The following SH3YL1 variants were observed in gnomAD, a reference collection of about 807,000 sequenced individuals.
SH3YL1 encodes SH3 domain-containing YSC84-like protein 1.
A neutral mutation model predicts 45.8 loss-of-function variants in SH3YL1; 41 were observed. That is an observed-to-expected ratio of 0.89 (90% CI 0.70 to 1.16). The LOEUF (loss-of-function observed/expected upper bound fraction) is 1.16. Ranked by LOEUF, SH3YL1 falls within the 50% of genes most tolerant of loss-of-function variation. The pLI is 0.00. For missense variants in SH3YL1, 389 were observed against 409.6 expected, an observed-to-expected ratio of 0.95 and a Z score of 0.43; for synonymous variants, 152 against 151.4, an observed-to-expected ratio of 1.00 and a Z score of -0.03.
chr2:263,487 G>C (rs1669689400), intron 1 of SH3YL1: 1 of 157,584 alleles, frequency 6.3e-6, no homozygotes, highest in Non-Finnish European at 1.4e-5. Flanking sequence ...GCCAGGTGTT[G>C]GGGGGACCGG....
Position 247,615 on chromosome 2 carries a change from C to G in SH3YL1, c.227-13G>C, listed in dbSNP as rs1388613644. ...GGTGCAGACCATTCTAATAAAAAAACAAACGAACGTTATCCTAACATTAAA... is the reference window on the plus strand; with the variant it reads ...GGTGCAGACCATTCTAATAAAAAAAGAAACGAACGTTATCCTAACATTAAA... On this transcript the variant is annotated splice_polypyrimidine_tract_variant and intron_variant, in intron 3 of 9. Transcript: ENST00000356150. The G allele has an allele frequency of 4.5e-6, 7 of 1,547,388 alleles. No individual in the cohort carries two copies. The East Asian group carries it at 1.7e-4, about 38-fold the overall frequency.
At chr2:263,876 CT>C in intron 1 of SH3YL1, 107 bp downstream of exon 1, 17 of 951,384 alleles carry the variant, frequency 1.8e-5, no homozygotes, top group Non-Finnish European at 2.8e-5. Context: ...GACGCGCGAC[CT>C]AGAAACCCCA....
chr2:264,179 G>T, upstream of SH3YL1: 3 of 717,192 alleles, frequency 4.2e-6, no homozygotes, highest in African/African-American at 1.9e-5. Flanking sequence ...TCAGGCCTTC[G>T]CCCTCAGGGA....
At chr2:253,506 A>C (rs990291921) in intron 1 of SH3YL1, among the ~76,000 whole-genome samples, 2 of 152,236 alleles carry the variant, frequency 1.3e-5, no homozygotes, top group African/African-American at 4.8e-5. Context: ...GCGCCATGAC[A>C]GTTTACAAAT....
rs397709071 is a variant in SH3YL1 at position 229,728 on chromosome 2, C to CAA, written c.781+236_781+237dup. Among the ~76,000 whole-genome samples, 345 of 92,798 alleles carry CAA rather than the reference C, an allele frequency of 3.7e-3. 6 individuals carry two copies. The highest frequency in any genetic ancestry group is 0.018 in the East Asian group (61 of 3,414). The allele number at this position is 92,798 out of a possible 152,430, so 60.9% of individuals were successfully genotyped here. ...TGGGCGACAGAGCGAGACTCCGTCT[C>CAA]AAAAAAAAAAAAAAAAAAAAAGAAA... is the stretch of plus-strand genomic sequence containing the variant. On this transcript the variant is annotated intron_variant, in intron 8 of 9. Coordinates refer to ENST00000356150, the MANE Select transcript of SH3YL1 (RefSeq NM_015677.4).
In SH3YL1 at chr2:219,010, A is replaced by C; in HGVS notation, c.839-9T>G. 1.3e-6 allele frequency: 2 copies of C among 1,599,928 alleles called. No homozygotes were observed. The highest frequency in any genetic ancestry group is 1.7e-6 in the Non-Finnish European group (2 of 1,173,488). On this transcript the variant is annotated splice_polypyrimidine_tract_variant and intron_variant, in intron 9 of 9. Transcript: ENST00000356150. The stretch of plus-strand genomic sequence containing the variant: ...GGGTTGATTCAAATTGCCTGAAACA[A>C]GAAAAAAGTATTCACGTTTATGTTC...
At chr2:258,394 AT>A (rs1169336179) in intron 1 of SH3YL1, among the ~76,000 whole-genome samples, 1 of 152,132 alleles carries the variant, frequency 6.6e-6, no homozygotes, top group East Asian at 1.9e-4. Context: ...ATTCTTAGGT[AT>A]TTTATTCTTT....
At chr2:228,801 CCAGT>C (rs1667896846) in intron 8 of SH3YL1, among the ~76,000 whole-genome samples, 2 of 152,078 alleles carry the variant, frequency 1.3e-5, no homozygotes, top group African/African-American at 4.8e-5. Context: ...TACATTTAGA[CCAGT>C]CAAAGGCACA....
intron 3 of SH3YL1, 128 bp downstream of exon 3, chr2:249,603 G>C (rs984531876): frequency 1.8e-5 from 12 of 670,002 alleles, no homozygotes; most frequent in Non-Finnish European, 3.1e-5. Context: ...CAGTCGAGTA[G>C]CCCTTATTAC....
At chr2:245,060 G>C (rs921981747) in intron 4 of SH3YL1, among the ~76,000 whole-genome samples, 3 of 152,176 alleles carry the variant, frequency 2.0e-5, no homozygotes, top group Non-Finnish European at 4.4e-5. Context: ...CCCTCATTAA[G>C]ACAGCAGGCG....
intron 1 of SH3YL1, among the ~76,000 whole-genome samples, chr2:257,852 T>C (rs1669414678): frequency 6.6e-6 from 1 of 152,246 alleles, no homozygotes; most frequent in African/African-American, 2.4e-5. Flanking sequence ...GAAGGGGTCC[T>C]GTTTCAGTCT....
At chr2:246,643 C>CCA (rs1244593213) in intron 4 of SH3YL1, among the ~76,000 whole-genome samples, 3 of 151,788 alleles carry the variant, frequency 2.0e-5, no homozygotes, top group Non-Finnish European at 4.4e-5. Flanking sequence ...GGGAGGGAAG[C>CCA]CACAATCACT....
intron 4 of SH3YL1, chr2:240,892 C>T (rs1668514390): frequency 6.6e-6 from 1 of 152,182 alleles, no homozygotes; most frequent in African/African-American, 2.4e-5. Context: ...AAACAAACAG[C>T]AAGCAAACAA....
chr2:262,345 C>G (rs1669617825), intron 1 of SH3YL1: 1 of 254,100 alleles, frequency 3.9e-6, no homozygotes, highest in Non-Finnish European at 8.0e-6. Context: ...AAGTGCTAGC[C>G]TGAGCTTGTT....
intron 2 of SH3YL1, among the ~76,000 whole-genome samples, chr2:251,459 C>T (rs998871115): frequency 1.1e-4 from 17 of 152,190 alleles, no homozygotes; most frequent in African/African-American, 4.1e-4. Flanking sequence ...GTTGCCACAC[C>T]CATGCTTTGG....
At chr2:244,942 T>A (rs1034071274) in intron 4 of SH3YL1, among the ~76,000 whole-genome samples, 1 of 152,024 alleles carries the variant, frequency 6.6e-6, no homozygotes, top group Non-Finnish European at 1.5e-5. Flanking sequence ...AGGAAGGACG[T>A]GTCTACCCTC....
At chr2:252,422 G>A (rs1285612033) in intron 2 of SH3YL1, among the ~76,000 whole-genome samples, 2 of 152,152 alleles carry the variant, frequency 1.3e-5, no homozygotes, top group Non-Finnish European at 2.9e-5. Flanking sequence ...AGGAACATGT[G>A]GTGTTTAGGG....
intron 2 of SH3YL1, 21 bp from the exon 3 acceptor site, chr2:249,865 G>C: frequency 1.3e-6 from 2 of 1,487,488 alleles, no homozygotes; most frequent in Non-Finnish European, 1.8e-6. Context: ...GGAAAACAAT[G>C]GGAAGGTAAG....
chr2:260,566 A>G (rs1669548150), intron 1 of SH3YL1: 1 of 152,200 alleles, frequency 6.6e-6, no homozygotes, highest in African/African-American at 2.4e-5. Context: ...TTGTCTCCAC[A>G]AGGGGAGAGT....
Sources: allele counts gnomAD v4.1 joint callset (sites outside exome capture counted in the v4.1 genomes callset), GRCh38; gene constraint gnomAD v4.1.1; transcripts MANE v1.5; gene names NCBI Gene and HGNC (gene_info 2026-07-23, HGNC 2026-07-21).